SLC4A7: variants seen among roughly 807,000 people sequenced by gnomAD.
SLC4A7 encodes sodium bicarbonate cotransporter 3.
In SLC4A7, 51 loss-of-function variants were observed where a neutral mutation model predicts 137.6. That is an observed-to-expected ratio of 0.37 (90% confidence interval 0.30 to 0.47). SLC4A7 has a LOEUF of 0.47. Ranked by LOEUF, SLC4A7 falls within the 20% of genes least tolerant of loss-of-function variation. The probability of loss-of-function intolerance (pLI) is 1.00; values close to 1 mark genes in which losing one functional copy is unlikely to be tolerated. For missense variants in SLC4A7, 1,247 were observed against 1,525.4 expected, an observed-to-expected ratio of 0.82 and a Z score of 3.04; for synonymous variants, 542 against 518.6, an observed-to-expected ratio of 1.05 and a Z score of -0.61.
At chr3:27,479,304 C>T (rs2059611291) in intron 1 of SLC4A7, among the ~76,000 whole-genome samples, 1 of 151,958 alleles carries the variant, frequency 6.6e-6, no homozygotes, top group South Asian at 2.1e-4. Flanking sequence ...TTCCCAGCTA[C>T]TCAGGAGGCT....
chr3:27,469,305 A>G (rs1281234411), intron 1 of SLC4A7, among the ~76,000 whole-genome samples: 1 of 152,136 alleles, frequency 6.6e-6, no homozygotes, highest in Non-Finnish European at 1.5e-5. Flanking sequence ...TCCTCTAATT[A>G]ATTAATTCCA....
chr3:27,403,115 T>C (rs2052955213), intron 15 of SLC4A7, 24 bp downstream of exon 15: 3 of 1,578,964 alleles, frequency 1.9e-6, no homozygotes, highest in Non-Finnish European at 2.6e-6. Flanking sequence ...CATTTTAATA[T>C]TAGGAGAAAA....
At chr3:27,464,228 A>G (rs1430152786) in intron 1 of SLC4A7, among the ~76,000 whole-genome samples, 1 of 152,136 alleles carries the variant, frequency 6.6e-6, no homozygotes, top group Admixed American at 6.5e-5. Context: ...GAAGGATAAA[A>G]CCCATTTGTG....
intron 1 of SLC4A7, among the ~76,000 whole-genome samples, chr3:27,472,076 G>T (rs1016938566): frequency 9.2e-5 from 14 of 152,082 alleles, no homozygotes; most frequent in African/African-American, 3.4e-4. Flanking sequence ...ATCTTAAACT[G>T]CCCCTCCCTC....
chr3:27,420,872 T>C, intron 9 of SLC4A7, 85 bp from the exon 10 acceptor site: 2 of 900,154 alleles, frequency 2.2e-6, no homozygotes, highest in Admixed American at 2.3e-5. Flanking sequence ...ACCATTCAAA[T>C]ATAAACAAAG....
At chr3:27,476,496 T>C (rs952705814) in intron 1 of SLC4A7, among the ~76,000 whole-genome samples, 1 of 152,220 alleles carries the variant, frequency 6.6e-6, no homozygotes, top group African/African-American at 2.4e-5. Context: ...TCAAATCTTA[T>C]TGAGTCATGA....
chr3:27,380,665 A>C (rs998994936), intron 24 of SLC4A7, among the ~76,000 whole-genome samples: 2 of 152,300 alleles, frequency 1.3e-5, no homozygotes, highest in Middle Eastern at 3.4e-3. Context: ...TTAAAATCAG[A>C]ATGTTGTTTA....
intron 7 of SLC4A7, among the ~76,000 whole-genome samples, chr3:27,427,742 C>A (rs759292036): frequency 1.2e-4 from 18 of 152,074 alleles, no homozygotes; most frequent in Non-Finnish European, 2.4e-4. Context: ...CCTATTTTTC[C>A]TCAGCAGTTA....
intron 24 of SLC4A7, among the ~76,000 whole-genome samples, chr3:27,381,674 G>C (rs1054139162): frequency 3.3e-5 from 5 of 151,862 alleles, no homozygotes; most frequent in Admixed American, 6.6e-5. Context: ...AAAAAAAAGA[G>C]AAAGAAATGG....
chr3:27,398,452 G>C (rs2052419964), intron 16 of SLC4A7, 99 bp from the exon 17 acceptor site: 2 of 1,011,260 alleles, frequency 2.0e-6, no homozygotes, highest in South Asian at 3.9e-5. Flanking sequence ...CTGATTGTAA[G>C]AGGCACCATT....
intron 1 of SLC4A7, chr3:27,462,358 G>A (rs1266982601): frequency 3.3e-5 from 5 of 152,146 alleles, no homozygotes; most frequent in Non-Finnish European, 7.4e-5. Flanking sequence ...TTTTAAAGAA[G>A]ACACGTTCGC....
chr3:27,438,175 C>T (rs562736077), intron 3 of SLC4A7, among the ~76,000 whole-genome samples: 2 of 151,248 alleles, frequency 1.3e-5, no homozygotes, highest in African/African-American at 4.9e-5. Context: ...CCAGCCTAGG[C>T]GACAGAGACT....
intron 25 of SLC4A7, among the ~76,000 whole-genome samples, chr3:27,378,275 T>C (rs1253245596): frequency 1.3e-5 from 2 of 152,186 alleles, no homozygotes; most frequent in Non-Finnish European, 2.9e-5. Flanking sequence ...TAATCAATTA[T>C]TGTCAGAAGA....
At chr3:27,466,140 C>T (rs2058983151) in intron 1 of SLC4A7, among the ~76,000 whole-genome samples, 1 of 151,928 alleles carries the variant, frequency 6.6e-6, no homozygotes, top group South Asian at 2.1e-4. Context: ...CCCATGTTTT[C>T]TCTTTATATG....
intron 11 of SLC4A7, among the ~76,000 whole-genome samples, chr3:27,415,391 G>C (rs546035259): frequency 1.3e-5 from 2 of 152,304 alleles, no homozygotes; most frequent in South Asian, 2.1e-4. Context: ...AGCATTAGCA[G>C]CTTTATAGAG....
intron 1 of SLC4A7, among the ~76,000 whole-genome samples, chr3:27,476,690 T>G (rs1370396514): frequency 1.3e-5 from 2 of 152,090 alleles, no homozygotes; most frequent in African/African-American, 4.8e-5. Flanking sequence ...CCCACTTCTC[T>G]CTCTCCTACT....
intron 3 of SLC4A7, among the ~76,000 whole-genome samples, chr3:27,443,870 G>A (rs2057400511): frequency 6.6e-6 from 1 of 152,100 alleles, no homozygotes; most frequent in African/African-American, 2.4e-5. Flanking sequence ...TTATTGAGAA[G>A]TATTTTCTTC....
chr3:27,470,850 G>A (rs1576654878), intron 1 of SLC4A7, among the ~76,000 whole-genome samples: 3 of 152,230 alleles, frequency 2.0e-5, no homozygotes, highest in East Asian at 1.9e-4. Context: ...ACTGAGGCAG[G>A]AGAACCCCTT....
intron 23 of SLC4A7, among the ~76,000 whole-genome samples, chr3:27,384,700 C>T (rs1455762439): frequency 6.6e-6 from 1 of 152,100 alleles, no homozygotes; most frequent in Non-Finnish European, 1.5e-5. Flanking sequence ...CAGTGGCTCA[C>T]GTCTATAATC....
Sources: allele counts gnomAD v4.1 joint callset (sites outside exome capture counted in the v4.1 genomes callset), GRCh38; gene constraint gnomAD v4.1.1; transcripts MANE v1.5; gene names NCBI Gene and HGNC (gene_info 2026-07-23, HGNC 2026-07-21).